The following ZFYVE9 variants were observed in gnomAD, a reference collection of about 807,000 sequenced individuals.
The protein encoded by ZFYVE9 is zinc finger FYVE-type containing 9.
In ZFYVE9, 43 loss-of-function variants were observed where a neutral mutation model predicts 126.7. The observed-to-expected ratio is 0.34, with a 90% confidence interval of 0.27 to 0.44. The LOEUF (loss-of-function observed/expected upper bound fraction) is 0.44. Among genes scored for constraint, ZFYVE9 ranks in the 20% least tolerant of loss-of-function variants. The pLI is 1.00. For synonymous variants in ZFYVE9, 521 were observed against 597.4 expected (o/e 0.87, Z 1.87); for missense variants, 1,476 against 1,697.0 (o/e 0.87, Z 2.29).
At position 52,268,648 on chromosome 1, in the gene ZFYVE9, A is replaced by G. The variant is rs750464618; in HGVS notation, c.2625+16A>G. 1.2e-6 allele frequency: 2 copies of G among 1,610,968 alleles called. No homozygotes were observed. Among genetic ancestry groups the G allele is most frequent in the Non-Finnish European group, 1.7e-6 (2 of 1,177,840 alleles). On this transcript the variant is annotated intron_variant, in intron 7 of 18. Coordinates refer to ENST00000287727, the MANE Select transcript of ZFYVE9 (RefSeq NM_004799.4). The stretch of plus-strand genomic sequence containing the variant: ...ACCAGCAGAGGTAAGAAAACAAAAC[A>G]GCAACTAAAATTGCATAGCTACTTT...
chr1:52,326,693 CAAAAAA>C (rs34479038), intron 13 of ZFYVE9, among the ~76,000 whole-genome samples: 15 of 102,930 alleles, frequency 1.5e-4, no homozygotes, highest in East Asian at 2.8e-4. Context: ...TACTCAATAC[CAAAAAA>C]AAAAAAAAAA....
chr1:52,293,296 G>A (rs1406217063), intron 10 of ZFYVE9, among the ~76,000 whole-genome samples, 157 bp from the exon 11 acceptor site: 19 of 150,050 alleles, frequency 1.3e-4, no homozygotes, highest in Non-Finnish European at 1.5e-5. Context: ...GGAGAATGGG[G>A]TGAACCTGGG....
At chr1:52,327,566 G>A (rs1479228083) in intron 13 of ZFYVE9, among the ~76,000 whole-genome samples, 1 of 151,378 alleles carries the variant, frequency 6.6e-6, no homozygotes, top group Non-Finnish European at 1.5e-5. Context: ...TGGTGCCACT[G>A]CACTCCAGCC....
At chr1:52,196,002 C>T (rs898457348) in intron 1 of ZFYVE9, among the ~76,000 whole-genome samples, 4 of 152,030 alleles carry the variant, frequency 2.6e-5, no homozygotes, top group Non-Finnish European at 1.5e-5. Context: ...CCATGTTGGC[C>T]AGGCTGGTCT....
chr1:52,320,100 C>A (rs149854388), intron 13 of ZFYVE9, among the ~76,000 whole-genome samples: 6 of 147,986 alleles, frequency 4.1e-5, no homozygotes, highest in African/African-American at 1.5e-4. Context: ...GACAGAGGTT[C>A]GCTCTTGTTG....
intron 1 of ZFYVE9, among the ~76,000 whole-genome samples, chr1:52,199,356 C>A (rs1375120253): frequency 2.6e-5 from 4 of 152,196 alleles, no homozygotes; most frequent in Non-Finnish European, 5.9e-5. Context: ...AGCCACCGTA[C>A]CTGGCCAATC....
chr1:52,302,281 A>T (rs1646042957), intron 12 of ZFYVE9, among the ~76,000 whole-genome samples: 1 of 152,158 alleles, frequency 6.6e-6, no homozygotes, highest in African/African-American at 2.4e-5. Context: ...GCAAGTAATG[A>T]AGTCAAGTTA....
At chr1:52,157,563 G>A (rs752858364) in intron 1 of ZFYVE9, among the ~76,000 whole-genome samples, 26 of 151,342 alleles carry the variant, frequency 1.7e-4, no homozygotes, top group African/African-American at 2.4e-4. Context: ...CACCACACCT[G>A]GCTAATTTTT....
intron 9 of ZFYVE9, among the ~76,000 whole-genome samples, chr1:52,279,046 A>G (rs1451274698): frequency 1.3e-5 from 2 of 152,040 alleles, no homozygotes; most frequent in Non-Finnish European, 2.9e-5. Context: ...GCCTAGCCAC[A>G]TCTTACTGAA....
chr1:52,180,298 T>C (rs1644685327), intron 1 of ZFYVE9: 6 of 1,590,096 alleles, frequency 3.8e-6, no homozygotes, highest in Non-Finnish European at 5.2e-6. Context: ...ACAACCTGCA[T>C]ACCCAGTTAT....
intron 14 of ZFYVE9, among the ~76,000 whole-genome samples, chr1:52,333,222 A>G (rs1051921592): frequency 6.6e-6 from 1 of 151,784 alleles, no homozygotes; most frequent in Non-Finnish European, 1.5e-5. Flanking sequence ...CTAACATGGC[A>G]TGTGTATACG....
chr1:52,180,975 CAAAAAAA>C (rs746468501), intron 1 of ZFYVE9, among the ~76,000 whole-genome samples: 6 of 53,284 alleles, frequency 1.1e-4, no homozygotes, highest in South Asian at 7.2e-4. Context: ...AACTCCGTCT[CAAAAAAA>C]AAAAAAAAAA....
At chr1:52,171,913 T>A (rs1644575183) in intron 1 of ZFYVE9, among the ~76,000 whole-genome samples, 2 of 152,218 alleles carry the variant, frequency 1.3e-5, no homozygotes, top group Non-Finnish European at 2.9e-5. Context: ...CTTTGTCAGA[T>A]GAGTAGGTTG....
intron 10 of ZFYVE9, among the ~76,000 whole-genome samples, chr1:52,289,601 C>T (rs1434863253): frequency 6.6e-6 from 1 of 152,158 alleles, no homozygotes; most frequent in East Asian, 1.9e-4. Context: ...TAGTACATTA[C>T]AGACTTTATG....
intron 1 of ZFYVE9, among the ~76,000 whole-genome samples, chr1:52,152,710 T>C (rs926659513): frequency 6.6e-6 from 1 of 152,228 alleles, no homozygotes; most frequent in African/African-American, 2.4e-5. Flanking sequence ...TTTGTGATCT[T>C]GGGCAAGTTA....
intron 4 of ZFYVE9, 39 bp from the exon 5 acceptor site, chr1:52,263,734 A>G (rs369181881): frequency 4.3e-6 from 5 of 1,171,912 alleles, no homozygotes; most frequent in Non-Finnish European, 6.1e-6. Flanking sequence ...GGCAATCCCA[A>G]GTAAATTTTG....
chr1:52,242,221 G>A lies in ZFYVE9; in HGVS notation c.2178+2626G>A, dbSNP rs191968246. 5.7e-3 allele frequency among the ~76,000 whole-genome samples: 863 copies of A among 151,976 alleles called. 5 individuals are homozygous for A. The highest frequency in any genetic ancestry group is 0.02 in the African/African-American group (827 of 41,448). ...TAGTTTTTGTATTTTTAGTAGAGGC[G>A]GGGTTTCACCATGTTGGCCAGGCTG... On this transcript the variant is annotated intron_variant, in intron 4 of 18. Transcript: ENST00000287727.
Position 52,217,622 on chromosome 1 carries a change from A to G in ZFYVE9, c.-37+1148A>G, listed in dbSNP as rs532987827. On this transcript the variant is annotated intron_variant, in intron 2 of 18. Transcript: ENST00000287727. ...TACAGCAACCGACAAGGATGAGTAC[A>G]TCTTTAACAATTGCAAGGGAAGTAA... Among the ~76,000 whole-genome samples, 77 of 152,348 alleles carry G rather than the reference A, an allele frequency of 5.1e-4. 1 individual carries two copies. Among genetic ancestry groups the G allele is most frequent in the Middle Eastern group, 6.8e-3 (2 of 294 alleles).
At chr1:52,256,046 TCTC>T (rs1645515150) in intron 4 of ZFYVE9, among the ~76,000 whole-genome samples, 1 of 9,322 alleles carries the variant, frequency 1.1e-4, no homozygotes, top group Admixed American at 2.2e-3. Context: ...TCTTTCTTTC[TCTC>T]TCTCTCTCTC....
Sources: allele counts gnomAD v4.1 joint callset (sites outside exome capture counted in the v4.1 genomes callset), GRCh38; gene constraint gnomAD v4.1.1; transcripts MANE v1.5; gene names NCBI Gene and HGNC (gene_info 2026-07-23, HGNC 2026-07-21).